Variants in RGS17 observed in about 807,000 individuals in gnomAD.
The protein encoded by RGS17 is regulator of G protein signaling 17, also known as regulator of G-protein signaling 17.
RGS17 carries 12 observed loss-of-function variants against 25.5 expected under a neutral mutation model. The ratio of observed to expected loss-of-function variants is 0.47; its 90% CI spans 0.30 to 0.76. The LOEUF is 0.76. Among genes scored for constraint, RGS17 ranks in the 30% least tolerant of loss-of-function variants. The pLI is 0.07. For synonymous variants in RGS17, 71 were observed against 76.9 expected, an observed-to-expected ratio of 0.92 and a Z score of 0.40; for missense variants, 196 against 242.2, an observed-to-expected ratio of 0.81 and a Z score of 1.27.
chr6:153,043,885 G>A lies in RGS17; in HGVS notation c.119+15C>T. The A allele has an allele frequency of 1.9e-6, 3 of 1,556,686 alleles. No homozygotes were observed. Among genetic ancestry groups the A allele is most frequent in the Non-Finnish European group, 2.6e-6 (3 of 1,133,700 alleles). On this transcript the variant is annotated intron_variant, in intron 2 of 4. Transcript: ENST00000206262. ...CCAAGCCTGGGTGTGGCATCCTACA[G>A]GTAACATGACATACCAGGAGCAGCT... is the stretch of plus-strand genomic sequence containing the variant.
At chr6:153,019,965 C>G (rs1779222727) in intron 4 of RGS17, among the ~76,000 whole-genome samples, 1 of 150,840 alleles carries the variant, frequency 6.6e-6, no homozygotes, top group African/African-American at 2.4e-5. Context: ...CCCTTGAAGA[C>G]ATCACTTTTA....
At chr6:153,024,936 T>C (rs769639188) in intron 3 of RGS17, among the ~76,000 whole-genome samples, 1 of 152,146 alleles carries the variant, frequency 6.6e-6, no homozygotes, top group Non-Finnish European at 1.5e-5. Context: ...TTCTCATCTC[T>C]GGTGGCCATT....
intron 1 of RGS17, among the ~76,000 whole-genome samples, chr6:153,110,456 AC>A (rs1777452102): frequency 6.6e-6 from 1 of 151,178 alleles, no homozygotes; most frequent in Non-Finnish European, 1.5e-5. Flanking sequence ...ACACACACAC[AC>A]TTCAATATAA....
intron 1 of RGS17, among the ~76,000 whole-genome samples, chr6:153,053,536 A>C (rs1015621563): frequency 6.6e-6 from 1 of 152,194 alleles, no homozygotes; most frequent in African/African-American, 2.4e-5. Context: ...ACGGTGGCTC[A>C]TATCTGTAAT....
intron 1 of RGS17, among the ~76,000 whole-genome samples, chr6:153,068,271 C>T (rs989269729): frequency 1.4e-5 from 2 of 146,116 alleles, no homozygotes; most frequent in Admixed American, 6.9e-5. Context: ...ATGGTGAACC[C>T]CCCATTGCTA....
At chr6:153,084,910 G>T (rs1356575500) in intron 1 of RGS17, among the ~76,000 whole-genome samples, 1 of 152,112 alleles carries the variant, frequency 6.6e-6, no homozygotes, top group Non-Finnish European at 1.5e-5. Context: ...CTTAAAAATT[G>T]TACGGATATT....
In RGS17 at chr6:153,008,427, A is replaced by G. The variant is rs1462409061; in HGVS notation, c.*3147T>C. 1.3e-5 allele frequency: 2 copies of G among 152,178 alleles called. No homozygotes were observed. The highest frequency in any genetic ancestry group is 2.1e-4 in the South Asian group (1 of 4,834). 9.4% of individuals were successfully genotyped at this position (152,178 alleles called of 1,614,324 possible). On this transcript the variant is annotated 3_prime_UTR_variant, in exon 5 of 5. Coordinates refer to ENST00000206262, the MANE Select transcript of RGS17 (RefSeq NM_012419.5). ...TCTTGTTGTTCATGTGCACACTCCAACACTGTCAGAGCATCTCTACTACCT... is the reference window on the plus strand; with the variant it reads ...TCTTGTTGTTCATGTGCACACTCCAGCACTGTCAGAGCATCTCTACTACCT...
chr6:153,122,292 T>G (rs1777643914), intron 1 of RGS17, among the ~76,000 whole-genome samples: 1 of 152,164 alleles, frequency 6.6e-6, no homozygotes, highest in Admixed American at 6.5e-5. Flanking sequence ...TAAAATCATC[T>G]TTTCAAAATA....
rs946918624 is a variant in RGS17 at position 153,045,597 on chromosome 6, C to T, written c.-25-1554G>A. Among the ~76,000 whole-genome samples the T allele has an allele frequency of 5.9e-5, 9 of 152,138 alleles. No homozygotes were observed. In the East Asian group the frequency reaches 1.7e-3, roughly 29 times the overall value. On this transcript the variant is annotated intron_variant, in intron 1 of 4. Coordinates refer to ENST00000206262, the MANE Select transcript of RGS17 (RefSeq NM_012419.5). ...TAGTGGAAACAAATGAAAAGCATTA[C>T]ATTATGAAGAGTAAGTGACAGTAAG...
At chr6:153,094,489 C>CT (rs1777179281) in intron 1 of RGS17, among the ~76,000 whole-genome samples, 1 of 152,150 alleles carries the variant, frequency 6.6e-6, no homozygotes, top group Non-Finnish European at 1.5e-5. Context: ...TGTACCTTTG[C>CT]TTTTCTCTAC....
intron 1 of RGS17, among the ~76,000 whole-genome samples, chr6:153,089,241 G>GTA (rs1432631813): frequency 2.5e-5 from 3 of 117,910 alleles, no homozygotes; most frequent in Non-Finnish European, 3.7e-5. Flanking sequence ...ATGTATATAT[G>GTA]TATATATATT....
chr6:153,058,548 T>C (rs1161313488), intron 1 of RGS17, among the ~76,000 whole-genome samples: 4 of 152,230 alleles, frequency 2.6e-5, no homozygotes, highest in East Asian at 1.9e-4. Context: ...GTCATGGTTG[T>C]TGAAAGCATC....
intron 4 of RGS17, among the ~76,000 whole-genome samples, chr6:153,015,481 A>G (rs1779172728): frequency 6.6e-6 from 1 of 152,190 alleles, no homozygotes; most frequent in African/African-American, 2.4e-5. Context: ...TCAATGTCGA[A>G]GCAAGACCCT....
chr6:153,023,617 G>C (rs1779268654), intron 4 of RGS17, among the ~76,000 whole-genome samples: 1 of 152,200 alleles, frequency 6.6e-6, no homozygotes, highest in Non-Finnish European at 1.5e-5. Flanking sequence ...AAAGACACTT[G>C]CACTTTCAAT....
At chr6:153,117,695 AT>A (rs1562338850) in intron 1 of RGS17, among the ~76,000 whole-genome samples, 1 of 152,178 alleles carries the variant, frequency 6.6e-6, no homozygotes, top group Non-Finnish European at 1.5e-5. Flanking sequence ...CATAATTATC[AT>A]CTTCTTCTCA....
chr6:153,070,517 C>A (rs1776772826), intron 1 of RGS17, among the ~76,000 whole-genome samples: 1 of 151,406 alleles, frequency 6.6e-6, no homozygotes, highest in Non-Finnish European at 1.5e-5. Flanking sequence ...TTGATCTGAT[C>A]CCTCAAAACC....
In RGS17 at chr6:153,015,441, A is replaced by G. The variant is rs910199848; in HGVS notation, c.445-3679T>C. Among the ~76,000 whole-genome samples, 5 of 152,288 alleles carry G rather than the reference A, an allele frequency of 3.3e-5. No individual in the cohort carries two copies. In the South Asian group the frequency reaches 8.3e-4, roughly 25 times the overall value. ...AATTGCCACAGCCACCCCAACCTTC[A>G]GCAATACCAGCCTGATGAGTCAGCA... On this transcript the variant is annotated intron_variant, in intron 4 of 4. Transcript: ENST00000206262.
intron 1 of RGS17, among the ~76,000 whole-genome samples, chr6:153,110,399 T>C (rs1369069387): frequency 6.8e-6 from 1 of 148,098 alleles, no homozygotes; most frequent in South Asian, 2.2e-4. Context: ...CTTTAGGCAA[T>C]TTTGATGGAC....
chr6:153,031,772 CCTCT>C (rs954831061), intron 2 of RGS17, among the ~76,000 whole-genome samples: 26 of 152,200 alleles, frequency 1.7e-4, no homozygotes, highest in African/African-American at 4.6e-4. Context: ...GTATAAATGC[CCTCT>C]CTAAGTATCA....
Sources: gnomAD v4.1 joint callset for allele counts (sites outside exome capture counted in the v4.1 genomes callset) on GRCh38, gnomAD v4.1.1 for gene constraint, MANE v1.5 for transcripts, NCBI Gene and HGNC (gene_info 2026-07-23, HGNC 2026-07-21) for gene names.